CCDC6: variants seen among roughly 807,000 people sequenced by gnomAD.
The protein encoded by CCDC6 is coiled-coil domain-containing protein 6.
CCDC6 carries 20 observed loss-of-function variants against 56.6 expected under a neutral mutation model. The ratio of observed to expected loss-of-function variants is 0.35; its 90% confidence interval spans 0.25 to 0.51. CCDC6 has a LOEUF of 0.51. Ranked by LOEUF, CCDC6 falls within the 20% of genes least tolerant of loss-of-function variation. CCDC6 has a pLI of 0.95. For synonymous variants in CCDC6, 241 were observed against 234.4 expected (o/e 1.03, Z -0.26); for missense variants, 367 against 601.1 (o/e 0.61, Z 4.07).
intron 1 of CCDC6, among the ~76,000 whole-genome samples, chr10:59,865,625 G>A (rs1346996188): frequency 9.9e-5 from 15 of 151,896 alleles, no homozygotes; most frequent in Admixed American, 7.2e-4. Flanking sequence ...AGGCCGAGGC[G>A]GGCAGATCAC....
In CCDC6 at chr10:59,906,124, T is replaced by C. The variant is rs1351119814; in HGVS notation, c.301A>G (p.Ile101Val). Residue 101 changes from isoleucine (I) to valine (V), a missense_variant and splice_region_variant, in exon 1 of 9, where the codon ATC (isoleucine) becomes GTC (valine). By Grantham distance (29) the Ile-to-Val change is conservative. Transcript: ENST00000263102. ...GCGCGTCCCCGGGGGGCACTCACGA[T>C]GGTCACGCTGGCTTTGCGCAGGTCG... ...NRDLRKASVT[I>V]QARAEQEEEF... The C allele has an allele frequency of 6.3e-7, 1 of 1,589,084 alleles. No homozygotes were observed. Among genetic ancestry groups the C allele is most frequent in the Non-Finnish European group, 8.6e-7 (1 of 1,164,702 alleles).
chr10:59,897,305 G>A (rs1435206651), intron 1 of CCDC6, among the ~76,000 whole-genome samples: 1 of 151,898 alleles, frequency 6.6e-6, no homozygotes, highest in Non-Finnish European at 1.5e-5. Flanking sequence ...CCAGGCTGGA[G>A]TAAAATGGTG....
chr10:59,849,007 C>T (rs10994052), intron 2 of CCDC6, among the ~76,000 whole-genome samples: 2,213 of 152,336 alleles, frequency 0.015, 44 homozygotes, highest in East Asian at 0.032. Flanking sequence ...TGAGCCACCA[C>T]GCTCAGCCTG....
chr10:59,853,237 A>G (rs1408966732), intron 1 of CCDC6, among the ~76,000 whole-genome samples: 1 of 152,216 alleles, frequency 6.6e-6, no homozygotes, highest in African/African-American at 2.4e-5. Flanking sequence ...ATATGCCATT[A>G]AAAAGGCATT....
At chr10:59,873,711 A>G (rs2071252709) in intron 1 of CCDC6, among the ~76,000 whole-genome samples, 1 of 152,174 alleles carries the variant, frequency 6.6e-6, no homozygotes, top group South Asian at 2.1e-4. Flanking sequence ...GTATTTTAAT[A>G]TGCCACTTTA....
intron 3 of CCDC6, among the ~76,000 whole-genome samples, chr10:59,820,722 T>G (rs547825881): frequency 6.6e-6 from 1 of 151,924 alleles, no homozygotes; most frequent in East Asian, 1.9e-4. Flanking sequence ...TACTCCAGCC[T>G]GGGTGTCAGA....
At chr10:59,815,324 T>G (rs1450489458) in intron 3 of CCDC6, among the ~76,000 whole-genome samples, 1 of 152,066 alleles carries the variant, frequency 6.6e-6, no homozygotes, top group Non-Finnish European at 1.5e-5. Context: ...AGGAAGAAAA[T>G]TTGATTTGGG....
At chr10:59,820,485 A>G (rs2132636429) in intron 3 of CCDC6, among the ~76,000 whole-genome samples, 1 of 152,334 alleles carries the variant, frequency 6.6e-6, no homozygotes, top group Middle Eastern at 3.4e-3. Flanking sequence ...AGGCGTAATA[A>G]AGAAAAGGTA....
intron 3 of CCDC6, among the ~76,000 whole-genome samples, chr10:59,830,669 T>C (rs1439998205): frequency 6.6e-6 from 1 of 152,230 alleles, no homozygotes; most frequent in Non-Finnish European, 1.5e-5. Context: ...TAACTTGGTA[T>C]AGAGAATATA....
At chr10:59,848,712 G>A (rs2071014317) in intron 2 of CCDC6, among the ~76,000 whole-genome samples, 1 of 152,194 alleles carries the variant, frequency 6.6e-6, no homozygotes, top group Non-Finnish European at 1.5e-5. Flanking sequence ...AGAACTTACT[G>A]TATAATAAAT....
chr10:59,842,750 ATTTTTTTTTT>A (rs3043541), intron 2 of CCDC6, among the ~76,000 whole-genome samples: 1 of 115,536 alleles, frequency 8.7e-6, no homozygotes, highest in African/African-American at 3.4e-5. Flanking sequence ...ATGGAAGACA[ATTTTTTTTTT>A]TTTTTTTTTT....
At chr10:59,849,862 A>T (rs1249023107) in intron 2 of CCDC6, among the ~76,000 whole-genome samples, 1 of 152,244 alleles carries the variant, frequency 6.6e-6, no homozygotes, top group Non-Finnish European at 1.5e-5. Context: ...TTCCAGATGG[A>T]AAACAGTATT....
chr10:59,851,131 GAAAAA>G (rs372606692), intron 2 of CCDC6, among the ~76,000 whole-genome samples: 6 of 46,724 alleles, frequency 1.3e-4, no homozygotes, highest in South Asian at 2.2e-3. Context: ...CATGTAAATT[GAAAAA>G]AAAAAAAAAA....
intron 1 of CCDC6, 130 bp from the exon 2 acceptor site, chr10:59,852,832 T>C: frequency 1.5e-6 from 1 of 646,272 alleles, no homozygotes; most frequent in Non-Finnish European, 2.4e-6. Context: ...TTTTTAGCTG[T>C]GAACCAACAC....
At chr10:59,872,784 G>C (rs143048855) in intron 1 of CCDC6, among the ~76,000 whole-genome samples, 4,718 of 118,678 alleles carry the variant, frequency 0.04, 141 homozygotes, top group Admixed American at 0.054. Flanking sequence ...CCAGATGGGG[G>C]GGTGGGGGAA....
intron 1 of CCDC6, among the ~76,000 whole-genome samples, chr10:59,874,826 G>A (rs1244121707): frequency 6.6e-6 from 1 of 152,182 alleles, no homozygotes; most frequent in Non-Finnish European, 1.5e-5. Context: ...GTAGCCTCTA[G>A]AAGTTGGAGA....
intron 1 of CCDC6, among the ~76,000 whole-genome samples, chr10:59,870,377 T>C (rs749144698): frequency 6.6e-6 from 1 of 152,240 alleles, no homozygotes; most frequent in Non-Finnish European, 1.5e-5. Flanking sequence ...AGTCTAGTAG[T>C]TCCAGATCCA....
chr10:59,876,458 GA>G lies in CCDC6; in HGVS notation c.304-23757del, dbSNP rs1231814751. The stretch of plus-strand genomic sequence containing the variant: ...CACCGTAAAAGTTTCTAACATTTTT[GA>G]AAAGGCTCCCTTACCCAGAAAGGAT... On this transcript the variant is annotated intron_variant, in intron 1 of 8. Transcript: ENST00000263102. 7.9e-5 allele frequency among the ~76,000 whole-genome samples: 12 copies of G among 151,956 alleles called. No individual in the cohort carries two copies. The East Asian group carries it at 2.3e-3, about 29-fold the overall frequency.
intron 1 of CCDC6, among the ~76,000 whole-genome samples, chr10:59,886,850 A>G (rs186047807): frequency 2.6e-4 from 39 of 152,224 alleles, no homozygotes; most frequent in Non-Finnish European, 4.7e-4. Flanking sequence ...AGGTACAGAA[A>G]AAGAATACAA....
Sources: gnomAD v4.1 joint callset for allele counts (sites outside exome capture counted in the v4.1 genomes callset) on GRCh38, gnomAD v4.1.1 for gene constraint, MANE v1.5 for transcripts, NCBI Gene and HGNC (gene_info 2026-07-23, HGNC 2026-07-21) for gene names.